AHCTF1: variants seen among roughly 807,000 people sequenced by gnomAD.
AHCTF1 encodes the protein AT-hook containing transcription factor 1, also known as protein ELYS.
Under a neutral mutation model 248.4 loss-of-function variants are expected in AHCTF1, and 24 were observed. The observed-to-expected ratio is 0.10, with a 90% CI of 0.07 to 0.14. AHCTF1 has a LOEUF of 0.14. AHCTF1 is among the 10% of genes least tolerant of loss of function. The pLI is 1.00. For synonymous variants in AHCTF1, 786 were observed against 929.8 expected (o/e 0.85, Z 2.81); for missense variants, 2,206 against 2,636.2 (o/e 0.84, Z 3.57).
chr1:246,883,194 T>C (rs561493827), intron 21 of AHCTF1, among the ~76,000 whole-genome samples: 4 of 152,324 alleles, frequency 2.6e-5, no homozygotes, highest in African/African-American at 9.6e-5. Context: ...ATATTAAAAC[T>C]TTTTCAGCCA....
In AHCTF1 at chr1:246,864,072, C is replaced by T. The variant is rs527918600; in HGVS notation, c.3392G>A (p.Cys1131Tyr). 1 of 1,614,122 alleles carries T rather than the reference C, an allele frequency of 6.2e-7. No individual in the cohort carries two copies. Among genetic ancestry groups the T allele is most frequent in the East Asian group, 2.2e-5 (1 of 44,874 alleles). The change falls in exon 27 of 36, where the codon TGT becomes TAT. Residue 1131 changes from cysteine (C) to tyrosine (Y), a missense_variant. Coordinates refer to ENST00000648844, the MANE Select transcript of AHCTF1 (RefSeq NM_001323342.2). ...VVQPVPRPSQ[C>Y]SEFIQQSSMK... ...GGAGCTTTGCTGAATAAACTCCGAACACTGAGAAGGCCGGGGGACAGGCTG... is the reference window on the plus strand; with the variant it reads ...GGAGCTTTGCTGAATAAACTCCGAATACTGAGAAGGCCGGGGGACAGGCTG...
intron 1 of AHCTF1, among the ~76,000 whole-genome samples, chr1:246,922,760 A>C (rs1340141627): frequency 3.3e-5 from 5 of 151,246 alleles, no homozygotes; most frequent in African/African-American, 1.2e-4. Context: ...AGGAGGGCGG[A>C]TCACGAGGTC....
At chr1:246,863,235 T>C (rs1661706357) in intron 27 of AHCTF1, among the ~76,000 whole-genome samples, 1 of 152,010 alleles carries the variant, frequency 6.6e-6, no homozygotes, top group South Asian at 2.1e-4. Flanking sequence ...ACTTGAAAAA[T>C]AAGGATTCCC....
At chr1:246,902,013 G>A (rs1665036193) in intron 8 of AHCTF1, among the ~76,000 whole-genome samples, 1 of 152,132 alleles carries the variant, frequency 6.6e-6, no homozygotes, top group Admixed American at 6.6e-5. Context: ...TTTGCAAAAG[G>A]TCTAACTAGG....
At chr1:246,875,343 G>A (rs891051851) in intron 24 of AHCTF1, among the ~76,000 whole-genome samples, 6 of 152,098 alleles carry the variant, frequency 3.9e-5, no homozygotes, top group South Asian at 2.1e-4. Context: ...AATCCTCCCC[G>A]GTGTTGTCCT....
At position 246,843,969 on chromosome 1, in the gene AHCTF1, T is replaced by G. The variant is rs564255285; in HGVS notation, c.6392-41A>C. 2.3e-6 allele frequency: 3 copies of G among 1,278,182 alleles called. No individual in the cohort carries two copies. The Admixed American group carries it at 8.6e-5, about 37-fold the overall frequency. 79.2% of individuals were successfully genotyped at this position (1,278,182 alleles called of 1,614,324 possible). ...AAAACTGTATCTGTATCTTTATATA[T>G]GTGTGTATATATATAAACACAATAA... is the stretch of plus-strand genomic sequence containing the variant. On this transcript the variant is annotated intron_variant, in intron 33 of 35. Transcript: ENST00000648844.
At chr1:246,857,608 C>G in intron 30 of AHCTF1, 83 bp downstream of exon 30, 1 of 1,412,202 alleles carries the variant, frequency 7.1e-7, no homozygotes, top group Non-Finnish European at 9.6e-7. Context: ...TGAAATCTAA[C>G]ATGCACAGAA....
In AHCTF1 at chr1:246,907,484, T is replaced by C. The variant is rs572439269; in HGVS notation, c.764+67A>G. 7.7e-5 allele frequency: 105 copies of C among 1,364,440 alleles called. No homozygotes were observed. The African/African-American group carries it at 1.0e-3, about 14-fold the overall frequency. The allele number at this position is 1,364,440 out of a possible 1,614,324, so 84.5% of individuals were successfully genotyped here. On this transcript the variant is annotated intron_variant, in intron 5 of 35. Transcript: ENST00000648844. ...CACTATGCTAACTTTCAAATATTAG[T>C]AAATGAGTACAAGCTATATGCAAAA...
At position 246,868,967 on chromosome 1, in the gene AHCTF1, G is replaced by T. The variant is rs192775568; in HGVS notation, c.3089-1156C>A. On this transcript the variant is annotated intron_variant, in intron 24 of 35. Transcript: ENST00000648844. ...TCACGCCATTCTCCTGCCTCAGCCTGCTGAGTAGCTGGGACTACAGGCGCC... is the reference window on the plus strand; with the variant it reads ...TCACGCCATTCTCCTGCCTCAGCCTTCTGAGTAGCTGGGACTACAGGCGCC... Among the ~76,000 whole-genome samples, 96 of 149,826 alleles carry T rather than the reference G, an allele frequency of 6.4e-4. 1 individual carries two copies. The highest frequency in any genetic ancestry group is 1.9e-3 in the Admixed American group (29 of 15,048).
chr1:246,921,213 C>T (rs941351335), intron 1 of AHCTF1, among the ~76,000 whole-genome samples: 3 of 151,880 alleles, frequency 2.0e-5, no homozygotes, highest in Admixed American at 1.3e-4. Context: ...GCAAACATGA[C>T]AAAACTATGA....
At chr1:246,909,310 G>T (rs1007987828) in intron 4 of AHCTF1, among the ~76,000 whole-genome samples, 1 of 145,414 alleles carries the variant, frequency 6.9e-6, no homozygotes, top group Non-Finnish European at 1.5e-5. Flanking sequence ...CCAGCTACTT[G>T]GGAGGCTGAG....
chr1:246,903,026 A>G (rs1665114812), intron 7 of AHCTF1, among the ~76,000 whole-genome samples: 1 of 152,222 alleles, frequency 6.6e-6, no homozygotes, highest in South Asian at 2.1e-4. Flanking sequence ...TTCTTGCTCT[A>G]GAATAGTTCT....
At chr1:246,902,843 C>T (rs998299987) in intron 7 of AHCTF1, among the ~76,000 whole-genome samples, 168 bp from the exon 8 acceptor site, 5 of 152,198 alleles carry the variant, frequency 3.3e-5, no homozygotes, top group African/African-American at 1.2e-4. Context: ...TACTTTAAAA[C>T]AAATAAAAAG....
chr1:246,889,394 T>C (rs1664055950), intron 17 of AHCTF1, among the ~76,000 whole-genome samples: 1 of 152,220 alleles, frequency 6.6e-6, no homozygotes. Context: ...TTATTTAGCT[T>C]TATACTGACT....
rs142240582 is a variant in AHCTF1, at chr1:246,871,514, G to A, written c.3089-3703C>T. The stretch of plus-strand genomic sequence containing the variant: ...TCTCAAGTTAACAAAGCCTTTCTTC[G>A]TAAATCAGAGTAACATCACAGAAAG... On this transcript the variant is annotated intron_variant, in intron 24 of 35. Coordinates refer to ENST00000648844, the MANE Select transcript of AHCTF1 (RefSeq NM_001323342.2). 2.4e-4 allele frequency among the ~76,000 whole-genome samples: 36 copies of A among 152,214 alleles called. No homozygotes were observed. The East Asian group carries it at 6.8e-3, about 29-fold the overall frequency.
chr1:246,914,923 T>C (rs1666039635), intron 3 of AHCTF1, among the ~76,000 whole-genome samples: 1 of 152,244 alleles, frequency 6.6e-6, no homozygotes, highest in African/African-American at 2.4e-5. Context: ...ATTTCCTTGG[T>C]TCAGCTCCTC....
At chr1:246,848,821 G>T (rs1305280961) in intron 33 of AHCTF1, among the ~76,000 whole-genome samples, 2 of 150,610 alleles carry the variant, frequency 1.3e-5, no homozygotes, top group Non-Finnish European at 2.9e-5. Context: ...TTGTGCTCCA[G>T]CCTGGGCGAC....
intron 10 of AHCTF1, among the ~76,000 whole-genome samples, 190 bp downstream of exon 10, chr1:246,899,875 C>G (rs1489973858): frequency 6.8e-6 from 1 of 147,470 alleles, no homozygotes; most frequent in East Asian, 2.0e-4. Context: ...ATCTCCAAGT[C>G]ATAATTCCTT....
rs1344303472 is a variant in AHCTF1, at chr1:246,898,226, C to T, written c.1605G>A (p.Gln535=). 2.5e-6 allele frequency: 4 copies of T among 1,612,074 alleles called. No individual in the cohort carries two copies. In the Admixed American group the frequency reaches 6.7e-5, roughly 27 times the overall value. The stretch of plus-strand genomic sequence containing the variant: ...ATCTCACTTGGCTTAAACTGGAAGG[C>T]TGAACATCAACAAATCTTGGGGAAA... The part of the protein sequence containing the change: ...GLLSPRFVDV[Q]PSSLSQEEQL... The change falls in exon 12 of 36, where the codon CAG becomes CAA. Residue 535 remains glutamine (Q), a synonymous_variant. Coordinates refer to ENST00000648844, the MANE Select transcript of AHCTF1 (RefSeq NM_001323342.2).
Sources: allele counts gnomAD v4.1 joint callset (sites outside exome capture counted in the v4.1 genomes callset), GRCh38; gene constraint gnomAD v4.1.1; transcripts MANE v1.5; gene names NCBI Gene and HGNC (gene_info 2026-07-23, HGNC 2026-07-21).